Variants in VSNL1 observed in about 807,000 individuals in gnomAD.
VSNL1 encodes the protein visinin like 1.
In VSNL1, 6 loss-of-function variants were observed where a neutral mutation model predicts 20.4. The observed-to-expected ratio is 0.29, with a 90% CI of 0.16 to 0.58. The LOEUF (loss-of-function observed/expected upper bound fraction) is 0.58, where lower values mean the gene tolerates loss of function less well. Among genes scored for constraint, VSNL1 ranks in the 20% least tolerant of loss-of-function variants. The pLI, the probability that VSNL1 is intolerant of heterozygous loss-of-function variation, is 0.90. For missense variants in VSNL1, 100 were observed against 234.5 expected, an observed-to-expected ratio of 0.43 and a Z score of 3.75; for synonymous variants, 93 against 86.4, an observed-to-expected ratio of 1.08 and a Z score of -0.42.
intron 1 of VSNL1, among the ~76,000 whole-genome samples, chr2:17,578,784 C>T (rs1050664939): frequency 6.6e-6 from 1 of 152,234 alleles, no homozygotes; most frequent in Admixed American, 6.5e-5. Context: ...TCCAGCCTTG[C>T]TGGATACTTC....
intron 2 of VSNL1, among the ~76,000 whole-genome samples, chr2:17,645,425 T>C (rs1204942388): frequency 3.3e-5 from 5 of 152,174 alleles, no homozygotes; most frequent in Admixed American, 1.3e-4. Context: ...TGCTGCAATA[T>C]TTTCTCTGGA....
intron 2 of VSNL1, among the ~76,000 whole-genome samples, chr2:17,598,446 A>G (rs974122341): frequency 6.6e-6 from 1 of 152,236 alleles, no homozygotes; most frequent in African/African-American, 2.4e-5. Flanking sequence ...TTGACTGCTC[A>G]GTTGGCAGAT....
chr2:17,615,223 T>C (rs541065627), intron 2 of VSNL1, among the ~76,000 whole-genome samples: 1 of 152,346 alleles, frequency 6.6e-6, no homozygotes, highest in South Asian at 2.1e-4. Context: ...TCTCTCTTCA[T>C]AGCGTTTACT....
intron 2 of VSNL1, among the ~76,000 whole-genome samples, chr2:17,638,662 G>A (rs143326805): frequency 0.013 from 1,990 of 152,308 alleles, 15 homozygotes; most frequent in Non-Finnish European, 0.02. Flanking sequence ...AGGTGTGAGC[G>A]CCTGCTCTTC....
intron 3 of VSNL1, among the ~76,000 whole-genome samples, chr2:17,653,394 CTTT>C (rs1216657729): frequency 6.6e-6 from 1 of 152,190 alleles, no homozygotes; most frequent in Non-Finnish European, 1.5e-5. Flanking sequence ...TTGATTTCGC[CTTT>C]TAAAGGCCAG....
intron 2 of VSNL1, among the ~76,000 whole-genome samples, chr2:17,647,074 G>A (rs1345775527): frequency 6.6e-6 from 1 of 152,172 alleles, no homozygotes; most frequent in African/African-American, 2.4e-5. Flanking sequence ...TCAGTATATA[G>A]ACCTTCTGCA....
At chr2:17,581,529 T>C (rs1664349123) in intron 1 of VSNL1, among the ~76,000 whole-genome samples, 1 of 152,232 alleles carries the variant, frequency 6.6e-6, no homozygotes. Flanking sequence ...TAAAAATGAT[T>C]TTAAACAATG....
intron 3 of VSNL1, among the ~76,000 whole-genome samples, chr2:17,651,288 T>C (rs1211784952): frequency 6.6e-6 from 1 of 152,228 alleles, no homozygotes; most frequent in Non-Finnish European, 1.5e-5. Context: ...CTTGGGGCAA[T>C]TCAGCAGGAG....
Position 17,592,251 on chromosome 2 carries a change from A to T in VSNL1, c.162+15A>T, listed in dbSNP as rs753420956. On this transcript the variant is annotated intron_variant, in intron 2 of 3. Transcript: ENST00000295156. ...TCTATGTGAAGGTAAGTTGTTTTTC[A>T]ACCTTGTTTTTATTCCTTAGGCCAG... 6.2e-7 allele frequency: 1 copy of T among 1,612,814 alleles called. No individual in the cohort carries two copies. Among genetic ancestry groups the T allele is most frequent in the African/African-American group, 1.3e-5 (1 of 74,878 alleles).
At chr2:17,577,630 C>T (rs921667086) in intron 1 of VSNL1, among the ~76,000 whole-genome samples, 4 of 152,136 alleles carry the variant, frequency 2.6e-5, no homozygotes, top group Admixed American at 2.6e-4. Flanking sequence ...CTTTCAATGG[C>T]TACCCTTCTA....
intron 2 of VSNL1, among the ~76,000 whole-genome samples, chr2:17,633,562 GATC>G (rs1300301128): frequency 6.6e-6 from 1 of 151,904 alleles, no homozygotes; most frequent in Non-Finnish European, 1.5e-5. Context: ...GAATGTGATG[GATC>G]TAGCAGAGGC....
At chr2:17,605,687 A>G (rs1398291771) in intron 2 of VSNL1, among the ~76,000 whole-genome samples, 3 of 152,178 alleles carry the variant, frequency 2.0e-5, no homozygotes, top group Non-Finnish European at 4.4e-5. Flanking sequence ...GACACCAAGC[A>G]TCCTGAAACT....
At chr2:17,607,815 A>G (rs1458672488) in intron 2 of VSNL1, among the ~76,000 whole-genome samples, 1 of 152,276 alleles carries the variant, frequency 6.6e-6, no homozygotes, top group Non-Finnish European at 1.5e-5. Context: ...AGAATAAGTG[A>G]AAGAAATGAA....
chr2:17,647,486 C>A (rs1467043615), intron 2 of VSNL1, among the ~76,000 whole-genome samples: 1 of 152,188 alleles, frequency 6.6e-6, no homozygotes, highest in African/African-American at 2.4e-5. Flanking sequence ...GGGACCAGGA[C>A]CACTCATGCA....
intron 2 of VSNL1, among the ~76,000 whole-genome samples, chr2:17,623,659 G>A (rs542461337): frequency 1.0e-5 from 1 of 97,932 alleles, no homozygotes; most frequent in South Asian, 3.7e-4. Context: ...GACAGAGTGA[G>A]ACTCCATCTC....
chr2:17,589,106 G>A (rs1558291544), intron 1 of VSNL1, among the ~76,000 whole-genome samples: 1 of 152,140 alleles, frequency 6.6e-6, no homozygotes, highest in East Asian at 1.9e-4. Flanking sequence ...CATGGAGGAG[G>A]TGGTGTGTAA....
intron 2 of VSNL1, among the ~76,000 whole-genome samples, chr2:17,632,466 A>G (rs113818746): frequency 0.052 from 7,915 of 151,858 alleles, 724 homozygotes; most frequent in African/African-American, 0.18. Flanking sequence ...ACACCCAGCT[A>G]ATTTTTGTAT....
chr2:17,611,420 C>T (rs1342447532), intron 2 of VSNL1, among the ~76,000 whole-genome samples: 1 of 152,228 alleles, frequency 6.6e-6, no homozygotes, highest in African/African-American at 2.4e-5. Flanking sequence ...ACACCCAGCT[C>T]TGTGGTGAGG....
In VSNL1 at chr2:17,655,722, T is replaced by G. The variant is rs1439365625; in HGVS notation, c.*328T>G. ...GAGTTATATGACTTCTTGTTCATGT[T>G]TTGCTAATGCTCGTATCTCCTTGAT... On this transcript the variant is annotated 3_prime_UTR_variant, in exon 4 of 4. Coordinates refer to ENST00000295156, the MANE Select transcript of VSNL1 (RefSeq NM_003385.5). The surrounding 1 kb of genome is among the most constrained non-coding windows in gnomAD (Gnocchi z 5.2). 5 of 247,972 alleles carry G rather than the reference T, an allele frequency of 2.0e-5. No individual in the cohort carries two copies. The highest frequency in any genetic ancestry group is 4.0e-5 in the Non-Finnish European group (5 of 125,164). 15.4% of individuals were successfully genotyped at this position (247,972 alleles called of 1,614,324 possible).
Sources: allele counts gnomAD v4.1 joint callset (sites outside exome capture counted in the v4.1 genomes callset), GRCh38; gene constraint gnomAD v4.1.1; non-coding constraint Gnocchi (gnomAD v3.1); transcripts MANE v1.5; gene names NCBI Gene and HGNC (gene_info 2026-07-23, HGNC 2026-07-21).